Variants in PSMD1 observed in about 807,000 individuals in gnomAD.
PSMD1 encodes the protein 26S proteasome non-ATPase regulatory subunit 1.
Under a neutral mutation model 119.0 loss-of-function variants are expected in PSMD1, and 18 were observed. The ratio of observed to expected loss-of-function variants is 0.15; its 90% CI spans 0.10 to 0.22. PSMD1 has a LOEUF of 0.22. Among genes scored for constraint, PSMD1 ranks in the 10% least tolerant of loss-of-function variants. The pLI is 1.00. For missense variants in PSMD1, 702 were observed against 1,158.5 expected, an observed-to-expected ratio of 0.61 and a Z score of 5.72; for synonymous variants, 374 against 396.6, an observed-to-expected ratio of 0.94 and a Z score of 0.68.
chr2:231,130,283 ATATACTT>A (rs1162557547), intron 16 of PSMD1, among the ~76,000 whole-genome samples: 1 of 152,176 alleles, frequency 6.6e-6, no homozygotes, highest in Non-Finnish European at 1.5e-5. Flanking sequence ...TTTTCTGTAA[ATATACTT>A]TTAAATAACA....
chr2:231,100,475 G>GGAATGAGTTAGGGTGGACCAGGTGATCA (rs1430874787), intron 16 of PSMD1, among the ~76,000 whole-genome samples: 2 of 152,132 alleles, frequency 1.3e-5, no homozygotes, highest in East Asian at 3.9e-4. Flanking sequence ...GCAGGTAATT[G>GGAATGAGTTAGGGTGGACCAGGTGATCA]GAATGAGTTA....
intron 16 of PSMD1, among the ~76,000 whole-genome samples, chr2:231,138,189 A>G (rs1696016559): frequency 6.6e-6 from 1 of 152,236 alleles, no homozygotes; most frequent in Non-Finnish European, 1.5e-5. Context: ...AGAGAATGAA[A>G]AATAATTTCT....
At chr2:231,162,404 TCG>T (rs1320013003) in intron 20 of PSMD1, among the ~76,000 whole-genome samples, 2 of 152,362 alleles carry the variant, frequency 1.3e-5, no homozygotes, top group East Asian at 3.9e-4. Context: ...CAGTTATCCT[TCG>T]TTAAGTGTTT....
rs148655405 is a variant in PSMD1, at chr2:231,120,475, A to T, written c.1884-18261A>T. ...ATAAAAAACTACAACTGTAAAGATC[A>T]AGTCCAGTGCTCCCAGATAGGAAGA... is the stretch of plus-strand genomic sequence containing the variant. On this transcript the variant is annotated intron_variant, in intron 16 of 24. Coordinates refer to ENST00000308696, the MANE Select transcript of PSMD1 (RefSeq NM_002807.4). Among the ~76,000 whole-genome samples, 213 of 152,346 alleles carry T rather than the reference A, an allele frequency of 1.4e-3. 1 individual carries two copies. Among genetic ancestry groups the T allele is most frequent in the African/African-American group, 4.6e-3 (193 of 41,588 alleles).
chr2:231,060,834 T>G (rs530701659), intron 1 of PSMD1, among the ~76,000 whole-genome samples: 1 of 152,372 alleles, frequency 6.6e-6, no homozygotes, highest in East Asian at 1.9e-4. Context: ...ATAATTTTAT[T>G]CTAAAATTGT....
chr2:231,109,255 G>A, intron 16 of PSMD1: 5 of 1,614,152 alleles, frequency 3.1e-6, no homozygotes, highest in Non-Finnish European at 4.2e-6. Context: ...TGAGAAAGTA[G>A]GTGACAATCA....
intron 17 of PSMD1, 39 bp downstream of exon 17, chr2:231,138,889 G>A (rs745377219): frequency 5.9e-5 from 87 of 1,464,990 alleles, no homozygotes; most frequent in Non-Finnish European, 7.2e-5. Flanking sequence ...CTTTCTTGGC[G>A]CCAGACTGTT....
chr2:231,128,138 T>TAA (rs1161285760), intron 16 of PSMD1, among the ~76,000 whole-genome samples: 1 of 152,218 alleles, frequency 6.6e-6, no homozygotes, highest in Non-Finnish European at 1.5e-5. Context: ...TATTAAACAG[T>TAA]AACCATAAAG....
chr2:231,137,746 A>T lies in PSMD1; in HGVS notation c.1884-990A>T, dbSNP rs192338865. On this transcript the variant is annotated intron_variant, in intron 16 of 24. Transcript: ENST00000308696. The stretch of plus-strand genomic sequence containing the variant: ...ATTGTTGCCTTCTTTATGTCCATGA[A>T]TACCCAGTGTTTAGCTCTCACTTAT... 4.6e-5 allele frequency among the ~76,000 whole-genome samples: 7 copies of T among 152,144 alleles called. No individual in the cohort carries two copies. The East Asian group carries it at 1.4e-3, about 29-fold the overall frequency.
At chr2:231,155,331 G>A (rs1026873538) in intron 19 of PSMD1, among the ~76,000 whole-genome samples, 4 of 152,068 alleles carry the variant, frequency 2.6e-5, no homozygotes, top group African/African-American at 9.7e-5. Context: ...AGGAATGTGT[G>A]TATATTTGTA....
chr2:231,077,473 C>G (rs1399108761), intron 9 of PSMD1, among the ~76,000 whole-genome samples: 1 of 151,980 alleles, frequency 6.6e-6, no homozygotes, highest in African/African-American at 2.4e-5. Context: ...AAGATAGGCT[C>G]TTGAGCCGCT....
At chr2:231,116,788 T>C (rs1333176533) in intron 16 of PSMD1, among the ~76,000 whole-genome samples, 1 of 152,092 alleles carries the variant, frequency 6.6e-6, no homozygotes, top group African/African-American at 2.4e-5. Context: ...TATTGAGATG[T>C]GATACAGAAT....
At chr2:231,082,813 G>GA in intron 12 of PSMD1, 70 bp from the exon 13 acceptor site, 1 of 1,150,748 alleles carries the variant, frequency 8.7e-7, no homozygotes, top group Non-Finnish European at 1.3e-6. Context: ...ACTGTATTTT[G>GA]AAATTAGAAT....
chr2:231,164,465 G>A (rs1298885254), intron 21 of PSMD1, among the ~76,000 whole-genome samples: 2 of 151,794 alleles, frequency 1.3e-5, no homozygotes, highest in African/African-American at 2.4e-5. Context: ...CTTATATATA[G>A]GAAAGTGGCT....
At chr2:231,085,580 T>C (rs1468992228) in intron 15 of PSMD1, among the ~76,000 whole-genome samples, 2 of 152,188 alleles carry the variant, frequency 1.3e-5, no homozygotes, top group Non-Finnish European at 2.9e-5. Context: ...GCTATAATTA[T>C]GCCACCGCAC....
At chr2:231,161,261 G>T in intron 19 of PSMD1, 79 bp from the exon 20 acceptor site, 14 of 1,237,048 alleles carry the variant, frequency 1.1e-5, no homozygotes, top group Non-Finnish European at 1.6e-5. Context: ...AAGAAAGAAA[G>T]AAAGATATCG....
At chr2:231,168,041 A>G (rs1696828646) in intron 23 of PSMD1, among the ~76,000 whole-genome samples, 2 of 152,218 alleles carry the variant, frequency 1.3e-5, no homozygotes, top group Non-Finnish European at 2.9e-5. Flanking sequence ...GATTGTGCCT[A>G]TGAACAGCCA....
chr2:231,072,577 C>T (rs1433077263), intron 7 of PSMD1, among the ~76,000 whole-genome samples, 162 bp downstream of exon 7: 2 of 151,540 alleles, frequency 1.3e-5, no homozygotes, highest in African/African-American at 4.9e-5. Flanking sequence ...TTGTACTGTG[C>T]TGGGTGTAGT....
chr2:231,077,218 T>G, intron 9 of PSMD1, 56 bp downstream of exon 9: 1 of 1,134,266 alleles, frequency 8.8e-7, no homozygotes, highest in Non-Finnish European at 1.2e-6. Context: ...CTTTGTTGCA[T>G]ATAAGTAATT....
Sources: gnomAD v4.1 joint callset for allele counts (sites outside exome capture counted in the v4.1 genomes callset) on GRCh38, gnomAD v4.1.1 for gene constraint, MANE v1.5 for transcripts, NCBI Gene and HGNC (gene_info 2026-07-23, HGNC 2026-07-21) for gene names.